GFPT2: variants seen among roughly 807,000 people sequenced by gnomAD.
The protein encoded by GFPT2 is glutamine--fructose-6-phosphate aminotransferase [isomerizing] 2.
A neutral mutation model predicts 85.6 loss-of-function variants in GFPT2; 62 were observed. That is an observed-to-expected ratio of 0.72 (90% CI 0.59 to 0.90). The LOEUF (loss-of-function observed/expected upper bound fraction) is 0.90, where lower values mean the gene tolerates loss of function less well. Among genes scored for constraint, GFPT2 ranks in the 40% least tolerant of loss-of-function variants. GFPT2 has a pLI of 0.00. For missense variants in GFPT2, 788 were observed against 893.4 expected (o/e 0.88, Z 1.50); for synonymous variants, 368 against 344.5 (o/e 1.07, Z -0.75).
intron 14 of GFPT2, among the ~76,000 whole-genome samples, chr5:180,313,080 G>A (rs11953989): frequency 0.3 from 46,049 of 151,466 alleles, 7,145 homozygotes; most frequent in South Asian, 0.39. Context: ...CCTGGCCTAA[G>A]TTTTATTTTT....
chr5:180,329,239 A>G (rs1480177085), intron 6 of GFPT2, among the ~76,000 whole-genome samples: 1 of 152,122 alleles, frequency 6.6e-6, no homozygotes. Flanking sequence ...CAGGTTGCCA[A>G]CTCAGCTACA....
intron 1 of GFPT2, chr5:180,352,610 A>AAG: frequency 2.2e-6 from 1 of 449,048 alleles, no homozygotes; most frequent in Non-Finnish European, 4.4e-6. Context: ...TCCCCGCGCA[A>AAG]AGAGGCGGTA....
chr5:180,319,085 A>C (rs1212937665), intron 9 of GFPT2, 129 bp from the exon 10 acceptor site: 2 of 727,454 alleles, frequency 2.7e-6, no homozygotes, highest in African/African-American at 3.5e-5. Flanking sequence ...GACCACACTA[A>C]AAACATTGAT....
intron 14 of GFPT2, among the ~76,000 whole-genome samples, chr5:180,313,074 G>C (rs114149404): frequency 0.012 from 1,789 of 151,840 alleles, 31 homozygotes; most frequent in African/African-American, 0.04. Flanking sequence ...TCCGCACCTG[G>C]CCTAAGTTTT....
chr5:180,316,916 C>T (rs930852641), intron 11 of GFPT2, 47 bp downstream of exon 11: 1 of 1,569,616 alleles, frequency 6.4e-7, no homozygotes, highest in African/African-American at 1.4e-5. Context: ...ACCGCATTCC[C>T]TGAGACTAGG....
intron 17 of GFPT2, 26 bp from the exon 18 acceptor site, chr5:180,302,610 A>C (rs749621701): frequency 6.3e-7 from 1 of 1,587,210 alleles, no homozygotes; most frequent in Admixed American, 1.7e-5. Flanking sequence ...AGCATCATAA[A>C]ATAGACCCTC....
Position 180,331,510 on chromosome 5 carries a change from A to G in GFPT2, c.384T>C (p.Asp128=). The change falls in exon 5 of 19, where the codon GAT becomes GAC. Residue 128 remains aspartate (D), a synonymous_variant. Coordinates refer to ENST00000253778, the MANE Select transcript of GFPT2 (RefSeq NM_005110.4). Reference sequence around the variant, plus strand: ...AGCATCTTACCAGAAATTTCCTCAGATCTTTGTAATTTGTGATGATCCCAT... The same window carrying G: ...AGCATCTTACCAGAAATTTCCTCAGGTCTTTGTAATTTGTGATGATCCCAT... ...IHNGIITNYK[D]LRKFLESKGY... The G allele has an allele frequency of 6.3e-7, 1 of 1,591,626 alleles. No homozygotes were observed. Among genetic ancestry groups the G allele is most frequent in the Non-Finnish European group, 8.6e-7 (1 of 1,159,466 alleles).
intron 15 of GFPT2, among the ~76,000 whole-genome samples, chr5:180,307,600 A>G (rs1011728339): frequency 3.3e-5 from 5 of 152,078 alleles, no homozygotes; most frequent in African/African-American, 1.2e-4. Context: ...AGAGGCAAAA[A>G]TCACCCACTG....
intron 7 of GFPT2, among the ~76,000 whole-genome samples, chr5:180,325,121 C>T (rs1764190893): frequency 1.3e-5 from 2 of 152,178 alleles, no homozygotes; most frequent in Admixed American, 1.3e-4. Flanking sequence ...GCTTGGTAAC[C>T]TGTCTCACTC....
chr5:180,334,317 C>G (rs113224452), intron 4 of GFPT2, among the ~76,000 whole-genome samples: 1 of 152,152 alleles, frequency 6.6e-6, no homozygotes, highest in Non-Finnish European at 1.5e-5. Flanking sequence ...CCAAATTGGG[C>G]GGGGTGAGCT....
intron 13 of GFPT2, 102 bp from the exon 14 acceptor site, chr5:180,314,066 C>G (rs1031719153): frequency 6.9e-6 from 8 of 1,164,770 alleles, no homozygotes; most frequent in South Asian, 4.7e-5. Context: ...AATCGGCGCC[C>G]GAGACACAGC....
chr5:180,338,698 T>A (rs1764451207), intron 1 of GFPT2, 98 bp from the exon 2 acceptor site: 1 of 698,606 alleles, frequency 1.4e-6, no homozygotes, highest in African/African-American at 1.8e-5. Flanking sequence ...ATCACAAAGG[T>A]CTCCCAGGGG....
chr5:180,308,956 G>A (rs138688544), intron 15 of GFPT2, among the ~76,000 whole-genome samples: 1 of 151,766 alleles, frequency 6.6e-6, no homozygotes, highest in Non-Finnish European at 1.5e-5. Context: ...TGTAACCTCG[G>A]CCACCCGGGT....
At chr5:180,352,459 G>C (rs978199549) in intron 1 of GFPT2, 13 of 451,640 alleles carry the variant, frequency 2.9e-5, no homozygotes, top group Non-Finnish European at 5.8e-5. Flanking sequence ...TGTGCGCTCC[G>C]GGCCGCGGCC....
chr5:180,309,105 C>T (rs1226253366), intron 15 of GFPT2, among the ~76,000 whole-genome samples: 1 of 152,130 alleles, frequency 6.6e-6, no homozygotes, highest in Non-Finnish European at 1.5e-5. Flanking sequence ...AACTCCTGAC[C>T]TCATGATCCA....
At position 180,316,366 on chromosome 5, in the gene GFPT2, G is replaced by T; in HGVS notation, c.1248C>A (p.Asp416Glu). 6.2e-7 allele frequency: 1 copy of T among 1,614,044 alleles called. No homozygotes were observed. The highest frequency in any genetic ancestry group is 8.5e-7 in the Non-Finnish European group (1 of 1,179,920). The change falls in exon 13 of 19, where the codon GAC becomes GAA. Residue 416 changes from aspartate (D) to glutamate (E), a missense_variant. Physicochemically the swap from Asp to Glu is conservative, Grantham distance 45. Transcript: ENST00000253778. The stretch of plus-strand genomic sequence containing the variant: ...CTGACTGGCTGATGAAAAAGCAAAC[G>T]TCATCCCTGAACACAGGTGTGTTCC... ...LDRNTPVFRD[D>E]VCFFISQSGE...
At chr5:180,304,983 G>A (rs1375582637) in intron 16 of GFPT2, 44 bp from the exon 17 acceptor site, 2 of 1,404,594 alleles carry the variant, frequency 1.4e-6, no homozygotes, top group Non-Finnish European at 1.0e-6. Context: ...GGCAGATGGG[G>A]CTGGAGCAGA....
At chr5:180,302,013 G>C (rs987889384) in intron 18 of GFPT2, among the ~76,000 whole-genome samples, 2 of 151,172 alleles carry the variant, frequency 1.3e-5, no homozygotes, top group East Asian at 3.9e-4. Context: ...CTACTGGGCC[G>C]GGTGCGGTGG....
chr5:180,303,304 G>A (rs1371771936), intron 17 of GFPT2, among the ~76,000 whole-genome samples: 3 of 152,136 alleles, frequency 2.0e-5, no homozygotes, highest in Non-Finnish European at 4.4e-5. Context: ...TGGGAGACTG[G>A]TGAGGTCTCC....
Sources: gnomAD v4.1 joint callset for allele counts (sites outside exome capture counted in the v4.1 genomes callset) on GRCh38, gnomAD v4.1.1 for gene constraint, MANE v1.5 for transcripts, NCBI Gene and HGNC (gene_info 2026-07-23, HGNC 2026-07-21) for gene names.